Variants in SLC16A12 observed in about 807,000 individuals in gnomAD.
SLC16A12 encodes monocarboxylate transporter 12.
SLC16A12 carries 17 observed loss-of-function variants against 42.4 expected under a neutral mutation model. The observed-to-expected ratio is 0.40, with a 90% confidence interval of 0.27 to 0.60. SLC16A12 has a LOEUF of 0.60. Among genes scored for constraint, SLC16A12 ranks in the 20% least tolerant of loss-of-function variants. SLC16A12 has a pLI of 0.42. For synonymous variants in SLC16A12, 224 were observed against 229.4 expected (o/e 0.98, Z 0.21); for missense variants, 544 against 623.0 (o/e 0.87, Z 1.35).
At chr10:89,483,902 T>C (rs1045322887) in intron 2 of SLC16A12, among the ~76,000 whole-genome samples, 1 of 152,240 alleles carries the variant, frequency 6.6e-6, no homozygotes, top group Non-Finnish European at 1.5e-5. Context: ...ATTATAATGC[T>C]GTGGTCAAGT....
chr10:89,497,118 C>A (rs1842931427), intron 2 of SLC16A12, among the ~76,000 whole-genome samples: 1 of 152,088 alleles, frequency 6.6e-6, no homozygotes, highest in Non-Finnish European at 1.5e-5. Context: ...AATATGTGTA[C>A]AACACCAAGT....
At chr10:89,450,453 G>A (rs151075411) in intron 3 of SLC16A12, among the ~76,000 whole-genome samples, 136 of 152,306 alleles carry the variant, frequency 8.9e-4, no homozygotes, top group African/African-American at 2.9e-3. Context: ...AGTTCATGTC[G>A]TTTGTAGGGA....
At chr10:89,500,141 G>A (rs1842973107) in intron 2 of SLC16A12, among the ~76,000 whole-genome samples, 1 of 152,018 alleles carries the variant, frequency 6.6e-6, no homozygotes, top group South Asian at 2.1e-4. Flanking sequence ...GATTGAAATG[G>A]TAATTTTAAA....
intron 3 of SLC16A12, among the ~76,000 whole-genome samples, chr10:89,448,516 T>A (rs1842040093): frequency 6.6e-6 from 1 of 152,108 alleles, no homozygotes; most frequent in South Asian, 2.1e-4. Flanking sequence ...CACATGATTA[T>A]CTCAATAGAT....
chr10:89,440,675 G>A (rs530522624), intron 5 of SLC16A12, among the ~76,000 whole-genome samples: 1 of 151,608 alleles, frequency 6.6e-6, no homozygotes, highest in East Asian at 1.9e-4. Context: ...TCACAATAAA[G>A]GGTTTTTTAA....
At chr10:89,489,533 G>A (rs891565642) in intron 2 of SLC16A12, among the ~76,000 whole-genome samples, 1 of 151,872 alleles carries the variant, frequency 6.6e-6, no homozygotes, top group Non-Finnish European at 1.5e-5. Flanking sequence ...GTAGAGACGG[G>A]CTCTCCCCAT....
chr10:89,446,817 T>C (rs1842010710), intron 3 of SLC16A12, among the ~76,000 whole-genome samples: 1 of 152,064 alleles, frequency 6.6e-6, no homozygotes, highest in African/African-American at 2.4e-5. Flanking sequence ...ACTAGCCAAT[T>C]GGATAAAGAG....
In SLC16A12 at chr10:89,430,622, T is replaced by G. The variant is rs769486901; in HGVS notation, c.*2442A>C. On this transcript the variant is annotated 3_prime_UTR_variant, in exon 8 of 8. Coordinates refer to ENST00000371790, the MANE Select transcript of SLC16A12 (RefSeq NM_213606.4). ...TTAACACTAAAATTCTGTGTAGAAATGTAAAATAGTAGACCTTAAGATGTA... is the reference window on the plus strand; with the variant it reads ...TTAACACTAAAATTCTGTGTAGAAAGGTAAAATAGTAGACCTTAAGATGTA... 1.3e-4 allele frequency: 59 copies of G among 463,006 alleles called. No homozygotes were observed. Among genetic ancestry groups the G allele is most frequent in the African/African-American group, 4.0e-5 (2 of 49,624 alleles). The allele number at this position is 463,006 out of a possible 1,614,324, so 28.7% of individuals were successfully genotyped here.
At chr10:89,519,429 T>C (rs1216804084) in intron 2 of SLC16A12, among the ~76,000 whole-genome samples, 1 of 152,086 alleles carries the variant, frequency 6.6e-6, no homozygotes, top group Admixed American at 6.5e-5. Flanking sequence ...CCCACTTCGT[T>C]TTCCACGTCA....
intron 2 of SLC16A12, among the ~76,000 whole-genome samples, chr10:89,532,283 G>A (rs948081073): frequency 7.2e-5 from 11 of 152,104 alleles, no homozygotes; most frequent in Non-Finnish European, 1.6e-4. Context: ...ACAGTGGTGG[G>A]TGAATGAAGA....
intron 3 of SLC16A12, among the ~76,000 whole-genome samples, chr10:89,452,020 G>C (rs1402318544): frequency 2.6e-5 from 4 of 152,204 alleles, no homozygotes; most frequent in African/African-American, 7.2e-5. Context: ...CAGAAAGAAG[G>C]CAGTGGTGTT....
intron 2 of SLC16A12, among the ~76,000 whole-genome samples, chr10:89,517,537 C>G (rs1843273831): frequency 6.6e-6 from 1 of 152,032 alleles, no homozygotes; most frequent in African/African-American, 2.4e-5. Context: ...GTCTCAACTC[C>G]TAGACTCAAG....
At chr10:89,556,231 T>C (rs1451463500) in intron 1 of SLC16A12, among the ~76,000 whole-genome samples, 2 of 152,140 alleles carry the variant, frequency 1.3e-5, no homozygotes, top group Non-Finnish European at 2.9e-5. Context: ...ACTCCATTGA[T>C]AAATAATTTG....
chr10:89,520,711 C>T (rs1843336532), intron 2 of SLC16A12, among the ~76,000 whole-genome samples: 1 of 109,936 alleles, frequency 9.1e-6, no homozygotes, highest in Admixed American at 1.1e-4. Context: ...ATTACTGGGT[C>T]ACATAGGCCA....
chr10:89,444,752 G>A (rs1033520041), intron 3 of SLC16A12, among the ~76,000 whole-genome samples: 2 of 152,218 alleles, frequency 1.3e-5, no homozygotes, highest in African/African-American at 4.8e-5. Flanking sequence ...ACTGGGACTC[G>A]TTGGACAGTG....
At chr10:89,491,345 C>T (rs910369958) in intron 2 of SLC16A12, among the ~76,000 whole-genome samples, 1 of 152,118 alleles carries the variant, frequency 6.6e-6, no homozygotes, top group Admixed American at 6.5e-5. Context: ...CCTAGAAGGA[C>T]AAGCAGGGAG....
At chr10:89,439,856 G>A (rs1451680923) in intron 5 of SLC16A12, among the ~76,000 whole-genome samples, 7 of 151,772 alleles carry the variant, frequency 4.6e-5, no homozygotes, top group Non-Finnish European at 7.4e-5. Flanking sequence ...CAGATCACTC[G>A]AGCTCAGGAG....
chr10:89,550,856 T>TTTG (rs1185782748), intron 2 of SLC16A12, among the ~76,000 whole-genome samples: 1 of 152,160 alleles, frequency 6.6e-6, no homozygotes, highest in Admixed American at 6.5e-5. Context: ...TTAATTGCAT[T>TTTG]TTGTTGTTGT....
intron 2 of SLC16A12, among the ~76,000 whole-genome samples, chr10:89,553,624 G>A (rs142925544): frequency 1.2e-3 from 182 of 152,252 alleles, no homozygotes; most frequent in African/African-American, 4.1e-3. Flanking sequence ...AAAATTAGGC[G>A]ATTGCATTAG....
Sources: allele counts gnomAD v4.1 joint callset (sites outside exome capture counted in the v4.1 genomes callset), GRCh38; gene constraint gnomAD v4.1.1; transcripts MANE v1.5; gene names NCBI Gene and HGNC (gene_info 2026-07-23, HGNC 2026-07-21).